The following CADM1 variants were observed in gnomAD, a reference collection of about 807,000 sequenced individuals.
CADM1 encodes the protein TSLC-1.
CADM1 carries 15 observed loss-of-function variants against 53.1 expected under a neutral mutation model. The ratio of observed to expected loss-of-function variants is 0.28; its 90% CI spans 0.19 to 0.44. The LOEUF (loss-of-function observed/expected upper bound fraction) is 0.44. Ranked by LOEUF, CADM1 falls within the 20% of genes least tolerant of loss-of-function variation. The probability of loss-of-function intolerance (pLI) is 1.00; values close to 1 mark genes in which losing one functional copy is unlikely to be tolerated. For missense variants in CADM1, 434 were observed against 611.3 expected, an observed-to-expected ratio of 0.71 and a Z score of 3.06; for synonymous variants, 281 against 243.0, an observed-to-expected ratio of 1.16 and a Z score of -1.45.
chr11:115,448,882 T>G (rs748248701), intron 1 of CADM1, among the ~76,000 whole-genome samples: 5 of 152,218 alleles, frequency 3.3e-5, no homozygotes, highest in Non-Finnish European at 5.9e-5. Flanking sequence ...CTCAAATGTA[T>G]TAAGTTTCTA....
chr11:115,418,013 C>T (rs911557651), intron 1 of CADM1, among the ~76,000 whole-genome samples: 4 of 152,222 alleles, frequency 2.6e-5, no homozygotes, highest in South Asian at 2.1e-4. Flanking sequence ...AATTCAGATG[C>T]GGATAAGAAG....
intron 5 of CADM1, among the ~76,000 whole-genome samples, chr11:115,224,002 G>T (rs1053519978): frequency 9.0e-6 from 1 of 110,514 alleles, no homozygotes; most frequent in African/African-American, 3.3e-5. Flanking sequence ...AGAGACTGGA[G>T]ATCAGAGAGA....
intron 6 of CADM1, among the ~76,000 whole-genome samples, chr11:115,216,003 T>G (rs891799062): frequency 6.6e-6 from 1 of 152,214 alleles, no homozygotes; most frequent in African/African-American, 2.4e-5. Flanking sequence ...CCCAGTAAAT[T>G]ATTTAAAAAT....
chr11:115,340,658 A>ATATATATATTTTTT (rs60532835), intron 1 of CADM1, among the ~76,000 whole-genome samples: 3 of 34,938 alleles, frequency 8.6e-5, no homozygotes, highest in Non-Finnish European at 1.4e-4. Context: ...ATATATATAT[A>ATATATATATTTTTT]TTTTTTTTTT....
chr11:115,178,465 G>A (rs1170195158), intron 11 of CADM1, among the ~76,000 whole-genome samples, 179 bp downstream of exon 11: 1 of 150,578 alleles, frequency 6.6e-6, no homozygotes, highest in Non-Finnish European at 1.5e-5. Context: ...ATCAGCGGCT[G>A]CTAAGATTTC....
chr11:115,252,802 C>T (rs1337247355), intron 1 of CADM1, among the ~76,000 whole-genome samples: 1 of 152,076 alleles, frequency 6.6e-6, no homozygotes, highest in Non-Finnish European at 1.5e-5. Flanking sequence ...CGGTGTTTCA[C>T]AAAAGTCAGC....
At chr11:115,355,630 A>G (rs972650412) in intron 1 of CADM1, among the ~76,000 whole-genome samples, 7 of 152,220 alleles carry the variant, frequency 4.6e-5, no homozygotes, top group Non-Finnish European at 7.4e-5. Context: ...AGGTATAAAA[A>G]AGAGAGAGAG....
At chr11:115,182,639 C>T (rs184107402) in intron 10 of CADM1, among the ~76,000 whole-genome samples, 2 of 152,310 alleles carry the variant, frequency 1.3e-5, no homozygotes, top group African/African-American at 4.8e-5. Flanking sequence ...TCACCCTTCA[C>T]TCCTCCTCAG....
chr11:115,187,712 A>T (rs1188759274), intron 10 of CADM1, among the ~76,000 whole-genome samples: 1 of 152,184 alleles, frequency 6.6e-6, no homozygotes, highest in Non-Finnish European at 1.5e-5. Flanking sequence ...AAGTGCTGGG[A>T]TTACAGGTGT....
In CADM1 at chr11:115,173,675, TAC is replaced by T. The variant is rs763420892; in HGVS notation, c.*2797_*2798del. 247 of 478,336 alleles carry T rather than the reference TAC, an allele frequency of 5.2e-4. No individual in the cohort carries two copies. The highest frequency in any genetic ancestry group is 5.3e-4 in the Non-Finnish European group (198 of 371,396). The allele number at this position is 478,336 out of a possible 1,614,324, so 29.6% of individuals were successfully genotyped here. On this transcript the variant is annotated 3_prime_UTR_variant, in exon 12 of 12. Transcript: ENST00000331581. The stretch of plus-strand genomic sequence containing the variant: ...TATTAAGAAGACAGATATTTTATAG[TAC>T]TTCTTTTTTTTCTTTTTTTTTTTGT...
intron 1 of CADM1, among the ~76,000 whole-genome samples, chr11:115,494,116 T>G (rs1401130239): frequency 6.6e-6 from 1 of 152,120 alleles, no homozygotes; most frequent in Non-Finnish European, 1.5e-5. Flanking sequence ...AAAAGATGAG[T>G]ATGTGTGTAT....
intron 1 of CADM1, among the ~76,000 whole-genome samples, chr11:115,350,198 CAACTTCA>C (rs1945690611): frequency 6.6e-6 from 1 of 152,088 alleles, no homozygotes; most frequent in African/African-American, 2.4e-5. Context: ...CTCGAACTCC[CAACTTCA>C]GGTGATGCAC....
intron 10 of CADM1, among the ~76,000 whole-genome samples, chr11:115,187,360 C>T (rs1198179194): frequency 6.6e-6 from 1 of 152,196 alleles, no homozygotes; most frequent in East Asian, 1.9e-4. Flanking sequence ...GCCATATATC[C>T]CCACCTCCGG....
intron 1 of CADM1, among the ~76,000 whole-genome samples, chr11:115,268,110 T>C (rs535359264): frequency 1.3e-5 from 2 of 152,336 alleles, no homozygotes; most frequent in East Asian, 3.9e-4. Context: ...TTGATGGGTT[T>C]GCATTGAATC....
intron 1 of CADM1, among the ~76,000 whole-genome samples, chr11:115,310,496 TG>T (rs975859442): frequency 1.3e-5 from 2 of 152,114 alleles, no homozygotes; most frequent in South Asian, 2.1e-4. Flanking sequence ...CATGTATGTA[TG>T]GGGGGGTGGA....
At chr11:115,266,402 G>A (rs1222562621) in intron 1 of CADM1, among the ~76,000 whole-genome samples, 1 of 152,114 alleles carries the variant, frequency 6.6e-6, no homozygotes, top group Non-Finnish European at 1.5e-5. Context: ...TACTGCCTGG[G>A]GCCTGCTGGA....
intron 1 of CADM1, among the ~76,000 whole-genome samples, chr11:115,410,382 T>TCC (rs1308410997): frequency 4.6e-5 from 7 of 152,248 alleles, no homozygotes; most frequent in Non-Finnish European, 1.0e-4. Flanking sequence ...TTACTTCTAT[T>TCC]CCCCTTTAGT....
intron 1 of CADM1, among the ~76,000 whole-genome samples, chr11:115,467,131 C>T (rs960566099): frequency 3.3e-5 from 5 of 152,112 alleles, no homozygotes; most frequent in African/African-American, 9.7e-5. Context: ...TATGAGAGAC[C>T]GGGTGAGAGC....
rs139463899 is a variant in CADM1, at chr11:115,260,075, T to C, written c.125-19655A>G. Among the ~76,000 whole-genome samples the C allele has an allele frequency of 9.9e-3, 1,511 of 152,256 alleles. 16 individuals carry two copies. Among genetic ancestry groups the C allele is most frequent in the Non-Finnish European group, 0.016 (1,087 of 68,014 alleles). On this transcript the variant is annotated intron_variant, in intron 1 of 11. Transcript: ENST00000331581. ...CTGAGTAGCTGGGACTATAGGCACATGCCACCATGCCTAATTTTTTTACTT... is the reference window on the plus strand; with the variant it reads ...CTGAGTAGCTGGGACTATAGGCACACGCCACCATGCCTAATTTTTTTACTT...
Sources: gnomAD v4.1 joint callset for allele counts (sites outside exome capture counted in the v4.1 genomes callset) on GRCh38, gnomAD v4.1.1 for gene constraint, MANE v1.5 for transcripts, NCBI Gene and HGNC (gene_info 2026-07-23, HGNC 2026-07-21) for gene names.